Variants in MMP26 observed in about 807,000 individuals in gnomAD.
The protein encoded by MMP26 is matrix metallopeptidase 26.
Under a neutral mutation model 31.0 loss-of-function variants are expected in MMP26, and 33 were observed. That is an observed-to-expected ratio of 1.06 (90% CI 0.81 to 1.42). The LOEUF is 1.42. MMP26 is among the 40% of genes most tolerant of loss of function. The pLI, the probability that MMP26 is intolerant of heterozygous loss-of-function variation, is 0.00. For missense variants in MMP26, 347 were observed against 316.1 expected (o/e 1.10, Z -0.74); for synonymous variants, 122 against 114.9 (o/e 1.06, Z -0.40).
chr11:4,780,087 G>A lies in MMP26; in HGVS notation c.-145+12746G>A, dbSNP rs573076788. On this transcript the variant is annotated intron_variant, in intron 2 of 7. Coordinates refer to ENST00000380390, the MANE Select transcript of MMP26 (RefSeq NM_021801.5). ...TGGGTATACATCAACTTATTAGTTT[G>A]TTGACTATTGTTGGTCATTTTGTTT... Among the ~76,000 whole-genome samples the A allele has an allele frequency of 5.3e-5, 8 of 152,176 alleles. No homozygotes were observed. In the East Asian group the frequency reaches 1.5e-3, roughly 29 times the overall value.
chr11:4,905,753 T>G (rs570770498), intron 2 of MMP26, among the ~76,000 whole-genome samples: 1 of 152,312 alleles, frequency 6.6e-6, no homozygotes, highest in South Asian at 2.1e-4. Flanking sequence ...TTTGTGTTTC[T>G]CTGACAGTTT....
chr11:4,908,136 C>T (rs1044576163), intron 2 of MMP26: 4 of 1,614,174 alleles, frequency 2.5e-6, no homozygotes, highest in African/African-American at 2.7e-5. Flanking sequence ...CCCATCATCA[C>T]CCTGGCTGCC....
intron 2 of MMP26, chr11:4,804,128 A>C: frequency 6.2e-7 from 1 of 1,614,152 alleles, no homozygotes; most frequent in Non-Finnish European, 8.5e-7. Context: ...AATATGGCCA[A>C]CATCTTAGGT....
At chr11:4,986,958 T>TCTCTCTCTCTCTCTCC in intron 2 of MMP26, among the ~76,000 whole-genome samples, 1 of 140,738 alleles carries the variant, frequency 7.1e-6, no homozygotes, top group Middle Eastern at 3.7e-3. Flanking sequence ...TCTCTCTCTC[T>TCTCTCTCTCTCTCTCC]CCCTCTCTCT....
chr11:4,945,735 T>C lies in MMP26; in HGVS notation c.-144-42333T>C, dbSNP rs76530186. ...AGCACATGTATCCCAATATGGAATATAAATGATTAAATTAAAAAAATGGTT... is the reference window on the plus strand; with the variant it reads ...AGCACATGTATCCCAATATGGAATACAAATGATTAAATTAAAAAAATGGTT... On this transcript the variant is annotated intron_variant, in intron 2 of 7. Coordinates refer to ENST00000380390, the MANE Select transcript of MMP26 (RefSeq NM_021801.5). 1,527 of 231,208 alleles carry C rather than the reference T, an allele frequency of 6.6e-3. 22 individuals are homozygous for C. The highest frequency in any genetic ancestry group is 0.034 in the African/African-American group (1,447 of 42,434). 14.3% of individuals were successfully genotyped at this position (231,208 alleles called of 1,614,324 possible). A position where few individuals can be genotyped will look rare whatever the true frequency, so the allele number is the denominator to read the frequency against.
chr11:4,732,282 TA>T (rs1848183463), intron 1 of MMP26, among the ~76,000 whole-genome samples: 1 of 152,218 alleles, frequency 6.6e-6, no homozygotes, highest in Non-Finnish European at 1.5e-5. Context: ...TCACTGATTA[TA>T]AGCTTACTTA....
chr11:4,801,922 C>A (rs1054384599), intron 2 of MMP26, among the ~76,000 whole-genome samples: 1 of 152,088 alleles, frequency 6.6e-6, no homozygotes, highest in Admixed American at 6.6e-5. Flanking sequence ...CTAAGCCATT[C>A]ATGAAGGATC....
intron 5 of MMP26, 63 bp from the exon 6 acceptor site, chr11:4,991,308 G>A: frequency 1.9e-6 from 3 of 1,559,720 alleles, no homozygotes; most frequent in Non-Finnish European, 2.6e-6. Flanking sequence ...GCTTACTTAA[G>A]ACTATTCTGG....
intron 2 of MMP26, among the ~76,000 whole-genome samples, chr11:4,898,488 G>A (rs938836527): frequency 6.6e-6 from 1 of 151,948 alleles, no homozygotes; most frequent in Non-Finnish European, 1.5e-5. Flanking sequence ...AGTCTTTCTT[G>A]TACCTACTAT....
chr11:4,964,443 G>A (rs570618459), intron 2 of MMP26, among the ~76,000 whole-genome samples: 52 of 151,950 alleles, frequency 3.4e-4, no homozygotes, highest in Non-Finnish European at 6.9e-4. Context: ...CTTATTTCTG[G>A]ACTGTCTATT....
At chr11:4,847,176 C>T (rs1266963711) in intron 2 of MMP26, among the ~76,000 whole-genome samples, 1 of 152,212 alleles carries the variant, frequency 6.6e-6, no homozygotes, top group Non-Finnish European at 1.5e-5. Context: ...TTGACCAAAA[C>T]AAGTCATGAG....
At chr11:4,955,763 A>T in intron 2 of MMP26, 1 of 1,535,368 alleles carries the variant, frequency 6.5e-7, no homozygotes, top group South Asian at 1.2e-5. Flanking sequence ...ACCTGACCTC[A>T]GGTGATCCGC....
chr11:4,744,065 G>T (rs1390243040), intron 1 of MMP26, among the ~76,000 whole-genome samples: 1 of 152,064 alleles, frequency 6.6e-6, no homozygotes, highest in East Asian at 1.9e-4. Flanking sequence ...CCTCCAAAAT[G>T]CTGGGATTAA....
At chr11:4,840,967 A>T (rs1486213833) in intron 2 of MMP26, among the ~76,000 whole-genome samples, 2 of 152,188 alleles carry the variant, frequency 1.3e-5, no homozygotes, top group South Asian at 4.1e-4. Flanking sequence ...TGATATTGAC[A>T]TATTTACAAA....
intron 2 of MMP26, among the ~76,000 whole-genome samples, chr11:4,941,065 T>A (rs1262635996): frequency 4.4e-5 from 2 of 45,392 alleles, no homozygotes; most frequent in African/African-American, 6.5e-5. Flanking sequence ...AAGAATGATT[T>A]TTTAATATAC....
intron 2 of MMP26, among the ~76,000 whole-genome samples, chr11:4,795,713 A>G (rs1328635457): frequency 6.6e-6 from 1 of 152,196 alleles, no homozygotes; most frequent in East Asian, 1.9e-4. Context: ...TAAAAAAATT[A>G]CTTTATTATG....
At chr11:4,986,932 C>CTCTCTCTCT (rs1564819722) in intron 2 of MMP26, among the ~76,000 whole-genome samples, 89 of 60,396 alleles carry the variant, frequency 1.5e-3, no homozygotes, top group Admixed American at 2.0e-3. Context: ...TCTCTCTCTC[C>CTCTCTCTCT]CTCTCTCTCT....
chr11:4,839,511 A>T (rs1787341622), intron 2 of MMP26, among the ~76,000 whole-genome samples: 1 of 151,768 alleles, frequency 6.6e-6, no homozygotes, highest in African/African-American at 2.4e-5. Context: ...CTGCAGCAGA[A>T]TAGAGCGCCA....
chr11:4,826,032 G>A (rs1454872582), intron 2 of MMP26, among the ~76,000 whole-genome samples: 2 of 152,008 alleles, frequency 1.3e-5, no homozygotes, highest in Non-Finnish European at 2.9e-5. Flanking sequence ...GCTATAAGGG[G>A]CAACCATTAC....
Sources: gnomAD v4.1 joint callset for allele counts (sites outside exome capture counted in the v4.1 genomes callset) on GRCh38, gnomAD v4.1.1 for gene constraint, MANE v1.5 for transcripts, NCBI Gene and HGNC (gene_info 2026-07-23, HGNC 2026-07-21) for gene names.